TPM1: variants seen among roughly 807,000 people sequenced by gnomAD.
The protein encoded by TPM1 is tropomyosin 1, also known as tropomyosin alpha-1 chain.
Under a neutral mutation model 42.9 loss-of-function variants are expected in TPM1, and 24 were observed. The observed-to-expected ratio is 0.56, with a 90% CI of 0.41 to 0.79. TPM1 has a LOEUF of 0.79. Among genes scored for constraint, TPM1 ranks in the 30% least tolerant of loss-of-function variants. The pLI is 0.00. For missense variants in TPM1, 158 were observed against 351.8 expected, an observed-to-expected ratio of 0.45 and a Z score of 4.41; for synonymous variants, 136 against 130.1, an observed-to-expected ratio of 1.05 and a Z score of -0.31.
chr15:63,043,330 G>C (rs1005138013), intron 1 of TPM1: 24 of 544,246 alleles, frequency 4.4e-5, no homozygotes, highest in African/African-American at 3.6e-4. Flanking sequence ...GTTGACTTTT[G>C]ACTGGGGAGA....
chr15:63,050,298 G>T (rs2033581961), intron 2 of TPM1, among the ~76,000 whole-genome samples: 1 of 152,160 alleles, frequency 6.6e-6, no homozygotes, highest in East Asian at 1.9e-4. Context: ...ATCAACATTT[G>T]TTGGGGCGGG....
chr15:63,053,345 T>G (rs1028629892), intron 2 of TPM1, among the ~76,000 whole-genome samples: 1 of 152,052 alleles, frequency 6.6e-6, no homozygotes, highest in African/African-American at 2.4e-5. Flanking sequence ...TCAGGAGAGA[T>G]AAAGACACAG....
At chr15:63,057,231 C>T in intron 3 of TPM1, 113 bp downstream of exon 3, 3 of 1,436,232 alleles carry the variant, frequency 2.1e-6, no homozygotes, top group African/African-American at 1.4e-5. Flanking sequence ...GTGGTGGGAT[C>T]ATTTCCTCTA....
At chr15:63,043,935 CT>C (rs2031818349) in intron 1 of TPM1, 91 bp from the exon 2 acceptor site, 3 of 1,559,936 alleles carry the variant, frequency 1.9e-6, no homozygotes, top group Non-Finnish European at 2.6e-6. Context: ...TGTCCCTGTC[CT>C]TCTGGTTCTG....
intron 2 of TPM1, chr15:63,049,025 C>A: frequency 2.7e-6 from 1 of 365,392 alleles, no homozygotes. Flanking sequence ...CGTGTCTGTG[C>A]GTCCCCGGGA....
intron 2 of TPM1, chr15:63,044,377 G>A: frequency 4.3e-6 from 3 of 697,764 alleles, no homozygotes; most frequent in Non-Finnish European, 2.4e-6. Context: ...TACCTCCCTG[G>A]GGGTGGAGGT....
intron 9 of TPM1, 74 bp from the exon 10 acceptor site, chr15:63,065,822 T>C (rs2036216331): frequency 6.6e-7 from 1 of 1,521,416 alleles, no homozygotes; most frequent in East Asian, 2.3e-5. Flanking sequence ...TCTATTGGTT[T>C]GGTTTCCTTT....
At chr15:63,060,212 A>G (rs1401055894) in intron 4 of TPM1, among the ~76,000 whole-genome samples, 1 of 152,166 alleles carries the variant, frequency 6.6e-6, no homozygotes, top group Non-Finnish European at 1.5e-5. Flanking sequence ...AGGCAACTTG[A>G]TTATTAAGGT....
chr15:63,048,484 T>C, intron 2 of TPM1: 1 of 1,424,172 alleles, frequency 7.0e-7, no homozygotes, highest in Non-Finnish European at 9.1e-7. Context: ...GGACCGGCGC[T>C]GGGCAGCCAG....
At position 63,042,787 on chromosome 15, in the gene TPM1, C is replaced by T. The variant is rs2031411713; in HGVS notation, c.-43C>T. 2 of 1,564,550 alleles carry T rather than the reference C, an allele frequency of 1.3e-6. No individual in the cohort carries two copies. ...CCTCCGCCCGACCGCGCGCTCGCCC[C>T]GCCGCTCCTGCTGCAGCCCCAGGGC... On this transcript the variant is annotated 5_prime_UTR_variant, in exon 1 of 10. Coordinates refer to ENST00000403994, the MANE Select transcript of TPM1 (RefSeq NM_001018005.2).
chr15:63,063,317 GATA>G, intron 8 of TPM1: 1 of 985,448 alleles, frequency 1.0e-6, no homozygotes, highest in South Asian at 4.7e-5. Flanking sequence ...GTTTGGTGCA[GATA>G]ATAACCAAAA....
chr15:63,071,872 A>T (rs928087080), exon 9 of TPM1: 7 of 153,084 alleles, frequency 4.6e-5, no homozygotes, highest in Admixed American at 4.6e-4. Context: ...TAAACATTGT[A>T]TAATGATATG....
chr15:63,063,436 A>G (rs2035911181), intron 8 of TPM1: 7 of 939,130 alleles, frequency 7.5e-6, no homozygotes, highest in East Asian at 1.2e-4. Flanking sequence ...CTTGCCATAT[A>G]AAGTGTGGCG....
chr15:63,050,578 GA>G (rs1392254919), intron 2 of TPM1, among the ~76,000 whole-genome samples: 3 of 152,240 alleles, frequency 2.0e-5, no homozygotes, highest in Non-Finnish European at 2.9e-5. Context: ...GTTGGCTAAA[GA>G]TAGTACTTTC....
At chr15:63,065,765 A>G (rs1595683988) in intron 9 of TPM1, 131 bp from the exon 10 acceptor site, 1 of 1,378,606 alleles carries the variant, frequency 7.3e-7, no homozygotes, top group Non-Finnish European at 9.8e-7. Context: ...TGTGGCTGGC[A>G]GTGGGGTTTG....
chr15:63,044,500 G>C lies in TPM1; in HGVS notation c.240+348G>C, dbSNP rs1022262325. The C allele has an allele frequency of 2.4e-5, 13 of 553,098 alleles. No homozygotes were observed. In the South Asian group the frequency reaches 3.2e-4, roughly 14 times the overall value. The allele number at this position is 553,098 out of a possible 1,614,324, so 34.3% of individuals were successfully genotyped here. ...GTGTCATCACCAAGGTTTGTGTAGA[G>C]AATGCCAGGTTTTCTTCACTTTCTT... On this transcript the variant is annotated intron_variant, in intron 2 of 9. Transcript: ENST00000403994.
chr15:63,066,068 G>T lies in TPM1; in HGVS notation c.*169G>T. 6.5e-7 allele frequency: 1 copy of T among 1,535,474 alleles called. No homozygotes were observed. Among genetic ancestry groups the T allele is most frequent in the Non-Finnish European group, 8.7e-7 (1 of 1,145,392 alleles). On this transcript the variant is annotated 3_prime_UTR_variant, in exon 10 of 10. Coordinates refer to ENST00000403994, the MANE Select transcript of TPM1 (RefSeq NM_001018005.2). ...TATTGTACAGAAGCTCTTCGTTTCA[G>T]TGTCAAATAAACACTGTGTAAGCTA...
chr15:63,050,399 C>G (rs887853456), intron 2 of TPM1, among the ~76,000 whole-genome samples: 1 of 152,338 alleles, frequency 6.6e-6, no homozygotes. Context: ...TCTCCTCACC[C>G]TGCTAAGAAA....
At chr15:63,048,876 C>A (rs1245328694) in intron 2 of TPM1, 3 of 831,600 alleles carry the variant, frequency 3.6e-6, no homozygotes, top group Admixed American at 2.1e-5. Flanking sequence ...GGGAGGGGCC[C>A]GGCCTGTTCT....
Sources: gnomAD v4.1 joint callset for allele counts (sites outside exome capture counted in the v4.1 genomes callset) on GRCh38, gnomAD v4.1.1 for gene constraint, MANE v1.5 for transcripts, NCBI Gene and HGNC (gene_info 2026-07-23, HGNC 2026-07-21) for gene names.